Variants in PTK7 observed in about 807,000 individuals in gnomAD.
The protein encoded by PTK7 is protein tyrosine kinase 7 (inactive).
In PTK7, 39 loss-of-function variants were observed where a neutral mutation model predicts 116.6. The observed-to-expected ratio is 0.33, with a 90% CI of 0.26 to 0.44. The LOEUF (loss-of-function observed/expected upper bound fraction) is 0.44, where lower values mean the gene tolerates loss of function less well. Ranked by LOEUF, PTK7 falls within the 20% of genes least tolerant of loss-of-function variation. PTK7 has a pLI of 1.00. For synonymous variants in PTK7, 546 were observed against 563.6 expected (o/e 0.97, Z 0.44); for missense variants, 1,169 against 1,425.6 (o/e 0.82, Z 2.90).
At position 43,143,410 on chromosome 6, in the gene PTK7, C is replaced by G. The variant is rs1231723190; in HGVS notation, c.2048-7C>G. 1.9e-6 allele frequency: 3 copies of G among 1,613,212 alleles called. No individual in the cohort carries two copies. Among genetic ancestry groups the G allele is most frequent in the African/African-American group, 1.3e-5 (1 of 74,868 alleles). On this transcript the variant is annotated splice_region_variant and splice_polypyrimidine_tract_variant and intron_variant, in intron 13 of 19. Transcript: ENST00000230419. The surrounding 1 kb of genome is among the most constrained non-coding windows in gnomAD (Gnocchi z 4.2). ...CCCCTGCCCAGACCCATCTGTGTGT[C>G]TCTCAGACAAGCCTGTGCCGGAGGA...
Position 43,129,962 on chromosome 6 carries a change from C to A in PTK7, c.470+133C>A. On this transcript the variant is annotated intron_variant, in intron 3 of 19. Transcript: ENST00000230419. This position sits in a 1 kb window ranked among gnomAD's most constrained non-coding sequence, Gnocchi z 4.5. ...GTTCCACCACCACAGTGCTCTTCAC[C>A]CTGCCCTCCCCCAGATATTGCCCTA... The A allele has an allele frequency of 1.1e-6, 1 of 950,366 alleles. No homozygotes were observed. 58.9% of individuals were successfully genotyped at this position (950,366 alleles called of 1,614,324 possible).
At chr6:43,160,398 G>A (rs1386457884) in intron 19 of PTK7, among the ~76,000 whole-genome samples, 4 of 152,162 alleles carry the variant, frequency 2.6e-5, no homozygotes, top group Non-Finnish European at 5.9e-5. Context: ...GATTGCAGGC[G>A]TGAGCCACCA....
At chr6:43,110,965 T>C (rs953736594) in intron 1 of PTK7, among the ~76,000 whole-genome samples, 1 of 152,204 alleles carries the variant, frequency 6.6e-6, no homozygotes, top group Non-Finnish European at 1.5e-5. Flanking sequence ...GCATGAACAT[T>C]ACTGTGTTCT....
At chr6:43,130,448 T>G in intron 4 of PTK7, 28 bp downstream of exon 4, 1 of 1,605,060 alleles carries the variant, frequency 6.2e-7, no homozygotes, top group Non-Finnish European at 8.5e-7. Context: ...GCGGAAGGGA[T>G]GAGGTGAGCA....
intron 1 of PTK7, among the ~76,000 whole-genome samples, chr6:43,105,978 G>A (rs899689533): frequency 4.6e-5 from 7 of 152,164 alleles, no homozygotes; most frequent in Admixed American, 3.9e-4. Flanking sequence ...TCCCGTAGCC[G>A]TGCCTTCTGT....
intron 17 of PTK7, among the ~76,000 whole-genome samples, chr6:43,150,816 T>TC (rs60761462): frequency 1.6e-4 from 11 of 68,520 alleles, no homozygotes; most frequent in Non-Finnish European, 2.8e-4. Flanking sequence ...TTTTTTTTTT[T>TC]CCCGAGACAG....
At chr6:43,092,035 G>A (rs1351277357) in intron 1 of PTK7, among the ~76,000 whole-genome samples, 1 of 151,998 alleles carries the variant, frequency 6.6e-6, no homozygotes, top group Non-Finnish European at 1.5e-5. Flanking sequence ...GCTAATTTTT[G>A]TATTTTTAGT....
chr6:43,144,132 G>A (rs1452941844), intron 14 of PTK7, among the ~76,000 whole-genome samples: 4 of 152,158 alleles, frequency 2.6e-5, no homozygotes, highest in African/African-American at 9.7e-5. Context: ...TGCCCAATAG[G>A]AGGCCCCATG....
chr6:43,131,899 GTTCCTGGTCGA>G lies in PTK7; in HGVS notation c.813-111_813-101del, dbSNP rs531347640. 145 of 1,395,516 alleles carry G rather than the reference GTTCCTGGTCGA, an allele frequency of 1.0e-4. No individual in the cohort carries two copies. The African/African-American group carries it at 1.8e-3, about 17-fold the overall frequency. The allele number at this position is 1,395,516 out of a possible 1,614,324, so 86.4% of individuals were successfully genotyped here. ...GTGTCAGCTTCCTTCTCTCTGCCCT[GTTCCTGGTCGA>G]TTCCTTACTACATTTCCGACTTTGC... On this transcript the variant is annotated intron_variant, in intron 5 of 19. Transcript: ENST00000230419.
chr6:43,146,638 G>T lies in PTK7; in HGVS notation c.2661G>T (p.Leu887=). 6.2e-7 allele frequency: 1 copy of T among 1,613,682 alleles called. No homozygotes were observed. ...CTTAGGGAGACCTCAAGCAGTTCCT[G>T]AGGATTTCCAAGAGCAAGGATGAAA... ...YVDLGDLKQF[L]RISKSKDEKL... The change falls in exon 17 of 20, where the codon CTG becomes CTT. Residue 887 remains leucine, a synonymous_variant. Transcript: ENST00000230419.
At chr6:43,136,019 C>A (rs990568212) in intron 7 of PTK7, among the ~76,000 whole-genome samples, 18 of 152,342 alleles carry the variant, frequency 1.2e-4, no homozygotes, top group Non-Finnish European at 2.2e-4. Context: ...GAAACCCCGT[C>A]TCTACTAAAA....
rs570626748 is a variant in PTK7 at position 43,114,456 on chromosome 6, C to T, written c.80-14521C>T. ...TCTCCCTCTGTTTCTCCCTCTGTCT[C>T]TCTCCTGTCTGTCTCTGTCTGTGTG... On this transcript the variant is annotated intron_variant, in intron 1 of 19. Coordinates refer to ENST00000230419, the MANE Select transcript of PTK7 (RefSeq NM_002821.5). 2.4e-4 allele frequency among the ~76,000 whole-genome samples: 36 copies of T among 152,170 alleles called. No individual in the cohort carries two copies. The South Asian group carries it at 7.3e-3, about 31-fold the overall frequency.
At chr6:43,088,690 A>ACAAT (rs1766790246) in intron 1 of PTK7, among the ~76,000 whole-genome samples, 1 of 149,120 alleles carries the variant, frequency 6.7e-6, no homozygotes, top group Non-Finnish European at 1.5e-5. Context: ...ACGCCATCTC[A>ACAAT]AAATAAATAA....
chr6:43,135,051 C>A (rs1343685438), intron 7 of PTK7, among the ~76,000 whole-genome samples: 3 of 152,064 alleles, frequency 2.0e-5, no homozygotes, highest in Non-Finnish European at 2.9e-5. Context: ...AGGGGTGGGA[C>A]CCAGGTAGAT....
intron 7 of PTK7, chr6:43,132,919 T>G (rs2150435100): frequency 1.6e-6 from 1 of 628,386 alleles, no homozygotes; most frequent in East Asian, 2.7e-5. Context: ...AATGGTCCTC[T>G]GGGTACAGAG....
At chr6:43,119,086 A>G (rs1768794629) in intron 1 of PTK7, among the ~76,000 whole-genome samples, 1 of 151,926 alleles carries the variant, frequency 6.6e-6, no homozygotes, top group Non-Finnish European at 1.5e-5. Flanking sequence ...GAAGCCAGAG[A>G]AGATTTTCCT....
chr6:43,143,159 T>A lies in PTK7; in HGVS notation c.2048-258T>A. On this transcript the variant is annotated intron_variant, in intron 13 of 19. Transcript: ENST00000230419. This position sits in a 1 kb window ranked among gnomAD's most constrained non-coding sequence, Gnocchi z 4.2. ...GGGTTTGTGGTAGCTCCTTGACAGG[T>A]GTGCTTATCCGTGTCGCCTGTCTTG... The A allele has an allele frequency of 2.2e-6, 1 of 452,228 alleles. No homozygotes were observed. 28.0% of individuals were successfully genotyped at this position (452,228 alleles called of 1,614,324 possible). A position where few individuals can be genotyped will look rare whatever the true frequency, so the allele number is the denominator to read the frequency against.
intron 1 of PTK7, among the ~76,000 whole-genome samples, chr6:43,118,279 G>A (rs1052273684): frequency 1.3e-5 from 2 of 152,028 alleles, no homozygotes; most frequent in African/African-American, 2.4e-5. Context: ...GCTCATGCCT[G>A]TAATCCCAGT....
At chr6:43,085,954 A>C (rs1180570483) in intron 1 of PTK7, among the ~76,000 whole-genome samples, 3 of 115,074 alleles carry the variant, frequency 2.6e-5, no homozygotes, top group African/African-American at 1.3e-4. Context: ...AAAAAAAAAA[A>C]CATGGCTTCC....
Sources: gnomAD v4.1 joint callset for allele counts (sites outside exome capture counted in the v4.1 genomes callset) on GRCh38, gnomAD v4.1.1 for gene constraint, Gnocchi (gnomAD v3.1) non-coding constraint, MANE v1.5 for transcripts, NCBI Gene and HGNC (gene_info 2026-07-23, HGNC 2026-07-21) for gene names.